The following SNX24 variants were observed in gnomAD, a reference collection of about 807,000 sequenced individuals.
The protein encoded by SNX24 is sorting nexin 24.
SNX24 carries 22 observed loss-of-function variants against 28.7 expected under a neutral mutation model. The observed-to-expected ratio is 0.77, with a 90% CI of 0.55 to 1.10. SNX24 has a LOEUF of 1.10. SNX24 is among the 50% of genes least tolerant of loss of function. The pLI is 0.00. For missense variants in SNX24, 221 were observed against 201.1 expected, an observed-to-expected ratio of 1.10 and a Z score of -0.60; for synonymous variants, 69 against 71.5, an observed-to-expected ratio of 0.96 and a Z score of 0.18.
At chr5:122,920,157 A>G (rs1758371051) in intron 1 of SNX24, among the ~76,000 whole-genome samples, 1 of 152,208 alleles carries the variant, frequency 6.6e-6, no homozygotes, top group African/African-American at 2.4e-5. Context: ...TGGAAAAGCC[A>G]GTTGGATGAG....
At chr5:122,946,605 A>G (rs1759696854) in intron 3 of SNX24, among the ~76,000 whole-genome samples, 1 of 152,166 alleles carries the variant, frequency 6.6e-6, no homozygotes, top group African/African-American at 2.4e-5. Flanking sequence ...AAAGGAATGT[A>G]TAAAAATTGC....
chr5:123,027,196 A>C (rs1762872314), intron 5 of SNX24, among the ~76,000 whole-genome samples: 2 of 152,098 alleles, frequency 1.3e-5, no homozygotes, highest in Admixed American at 6.5e-5. Flanking sequence ...TGTGTCTCAA[A>C]AGAAAAAAAA....
intron 1 of SNX24, among the ~76,000 whole-genome samples, chr5:122,876,614 C>T (rs1337603412): frequency 1.3e-5 from 2 of 152,192 alleles, no homozygotes; most frequent in African/African-American, 2.4e-5. Flanking sequence ...AGGCCATTGA[C>T]AACTATCAAG....
At position 122,935,447 on chromosome 5, in the gene SNX24, A is replaced by G. The variant is rs544037566; in HGVS notation, c.61-1287A>G. On this transcript the variant is annotated intron_variant, in intron 1 of 6. Coordinates refer to ENST00000261369, the MANE Select transcript of SNX24 (RefSeq NM_014035.4). The stretch of plus-strand genomic sequence containing the variant: ...ATGGTTTTAGAAGAAAATATTTCTA[A>G]TAGTTCACCAAAGGAAAGTATTTAT... Among the ~76,000 whole-genome samples the G allele has an allele frequency of 2.6e-5, 4 of 152,312 alleles. 1 individual carries two copies. In the South Asian group the frequency reaches 6.2e-4, roughly 24 times the overall value.
Position 122,845,621 on chromosome 5 carries a change from G to A in SNX24, c.-13G>A. The A allele has an allele frequency of 7.2e-7, 1 of 1,390,810 alleles. No individual in the cohort carries two copies. Among genetic ancestry groups the A allele is most frequent in the Non-Finnish European group, 9.4e-7 (1 of 1,063,858 alleles). 86.2% of individuals were successfully genotyped at this position (1,390,810 alleles called of 1,614,324 possible). On this transcript the variant is annotated 5_prime_UTR_variant, in exon 1 of 7. Coordinates refer to ENST00000261369, the MANE Select transcript of SNX24 (RefSeq NM_014035.4). ...GCCCCCAACTCGCCCTCAGCCGGCT[G>A]GCCGGCGCGGCCATGGAGGTCTACA...
chr5:122,919,794 C>T (rs1196073679), intron 1 of SNX24, among the ~76,000 whole-genome samples: 1 of 152,150 alleles, frequency 6.6e-6, no homozygotes, highest in Non-Finnish European at 1.5e-5. Context: ...AGCTCCCCTC[C>T]CAAACCAGGT....
chr5:122,868,394 A>G (rs1755816070), intron 1 of SNX24, among the ~76,000 whole-genome samples: 1 of 152,184 alleles, frequency 6.6e-6, no homozygotes, highest in Admixed American at 6.5e-5. Flanking sequence ...TTCAGTCACT[A>G]CTAAGACCCA....
rs764685005 is a variant in SNX24 at position 123,007,801 on chromosome 5, G to A, written c.*52G>A. 5.7e-6 allele frequency: 9 copies of A among 1,577,118 alleles called. No homozygotes were observed. Among genetic ancestry groups the A allele is most frequent in the Admixed American group, 4.1e-5 (2 of 48,628 alleles). ...AAGCAAGTTTCGAAGTCACAGTCAA[G>A]GAAATCAATACCTACCAATTTAACC... is the stretch of plus-strand genomic sequence containing the variant. On this transcript the variant is annotated 3_prime_UTR_variant, in exon 7 of 7. Transcript: ENST00000261369.
chr5:122,901,178 G>C (rs915180417), intron 1 of SNX24, among the ~76,000 whole-genome samples: 16 of 148,948 alleles, frequency 1.1e-4, no homozygotes, highest in Non-Finnish European at 1.8e-4. Context: ...TCCAGCCTGG[G>C]TGACAAGAGC....
chr5:122,862,645 T>A (rs154509), intron 1 of SNX24, among the ~76,000 whole-genome samples: 85,907 of 147,560 alleles, frequency 0.58, 25,413 homozygotes, highest in African/African-American at 0.66. Context: ...GATAGTCAAT[T>A]TCACCAGTAA....
At chr5:122,967,244 C>T (rs1014028926) in intron 3 of SNX24, among the ~76,000 whole-genome samples, 6 of 152,210 alleles carry the variant, frequency 3.9e-5, no homozygotes, top group Non-Finnish European at 7.3e-5. Flanking sequence ...CACCACCATA[C>T]TAGCTCAGCA....
At chr5:122,951,980 T>C (rs1477640625) in intron 3 of SNX24, among the ~76,000 whole-genome samples, 1 of 152,244 alleles carries the variant, frequency 6.6e-6, no homozygotes, top group African/African-American at 2.4e-5. Context: ...AGTGCTGGCA[T>C]GACGCCACAA....
At chr5:122,884,231 A>G (rs915288841) in intron 1 of SNX24, among the ~76,000 whole-genome samples, 1 of 132,128 alleles carries the variant, frequency 7.6e-6, no homozygotes, top group African/African-American at 2.9e-5. Context: ...TTGAATAATT[A>G]CCCTCAATTG....
At chr5:122,860,284 A>G (rs1581677439) in intron 1 of SNX24, among the ~76,000 whole-genome samples, 3 of 151,836 alleles carry the variant, frequency 2.0e-5, no homozygotes, top group Non-Finnish European at 1.5e-5. Context: ...ATCTGTGGGC[A>G]TGACTCCCAG....
At chr5:122,876,815 A>T (rs1756244764) in intron 1 of SNX24, among the ~76,000 whole-genome samples, 1 of 152,192 alleles carries the variant, frequency 6.6e-6, no homozygotes. Context: ...TGCATTTTGA[A>T]GACTAGGTAG....
At chr5:122,971,744 A>G (rs549410079) in intron 3 of SNX24, among the ~76,000 whole-genome samples, 3 of 152,324 alleles carry the variant, frequency 2.0e-5, no homozygotes, top group Admixed American at 1.3e-4. Flanking sequence ...AAAAATAAGG[A>G]GGAAATGTGA....
downstream of SNX24, among the ~76,000 whole-genome samples, chr5:123,010,996 C>T (rs1048467608): frequency 6.6e-6 from 1 of 151,932 alleles, no homozygotes; most frequent in Non-Finnish European, 1.5e-5. Context: ...TTTTCGATTT[C>T]ACTAGGCATG....
chr5:122,940,577 A>G (rs796867470), intron 2 of SNX24, among the ~76,000 whole-genome samples: 13 of 151,886 alleles, frequency 8.6e-5, no homozygotes, highest in African/African-American at 2.7e-4. Flanking sequence ...AAATTTATGT[A>G]TTATTATTAT....
Position 122,871,774 on chromosome 5 carries a change from A to G in SNX24, c.60+26081A>G, listed in dbSNP as rs1176000306. The stretch of plus-strand genomic sequence containing the variant: ...GACAAAAGTGAAACTCTGTCTCAAA[A>G]AACAAACAAACAAAAAAAGCTTTTC... On this transcript the variant is annotated intron_variant, in intron 1 of 6. Coordinates refer to ENST00000261369, the MANE Select transcript of SNX24 (RefSeq NM_014035.4). Among the ~76,000 whole-genome samples the G allele has an allele frequency of 4.6e-5, 7 of 152,072 alleles. No individual in the cohort carries two copies. The East Asian group carries it at 1.3e-3, about 29-fold the overall frequency.
Sources: allele counts gnomAD v4.1 joint callset (sites outside exome capture counted in the v4.1 genomes callset), GRCh38; gene constraint gnomAD v4.1.1; transcripts MANE v1.5; gene names NCBI Gene and HGNC (gene_info 2026-07-23, HGNC 2026-07-21).